The following CADM2 variants were observed in gnomAD, a reference collection of about 807,000 sequenced individuals.
The protein encoded by CADM2 is cell adhesion molecule 2.
Under a neutral mutation model 49.8 loss-of-function variants are expected in CADM2, and 12 were observed. The ratio of observed to expected loss-of-function variants is 0.24; its 90% confidence interval spans 0.15 to 0.39. The LOEUF is 0.39. CADM2 is among the 10% of genes least tolerant of loss of function. CADM2 has a pLI of 1.00. For synonymous variants in CADM2, 214 were observed against 175.4 expected (o/e 1.22, Z -1.74); for missense variants, 378 against 492.3 (o/e 0.77, Z 2.20).
intron 8 of CADM2, among the ~76,000 whole-genome samples, chr3:86,050,493 G>A (rs1267490351): frequency 6.6e-6 from 1 of 152,300 alleles, no homozygotes. Flanking sequence ...TGCCCCAGTG[G>A]GGACTCTGTG....
intron 3 of CADM2, among the ~76,000 whole-genome samples, chr3:85,814,503 C>T (rs2073084729): frequency 6.6e-6 from 1 of 151,694 alleles, no homozygotes; most frequent in Non-Finnish European, 1.5e-5. Context: ...TAGCAGAAGA[C>T]AAAAAAGAAC....
rs1424573453 is a variant in CADM2, at chr3:85,568,463, C to CTTTCATTCTTTCTT, written c.62-158058_62-158057insTTCATTCTTTCTTT. Among the ~76,000 whole-genome samples the CTTTCATTCTTTCTT allele has an allele frequency of 4.5e-4, 6 of 13,192 alleles. 1 individual carries two copies. In the East Asian group the frequency reaches 0.018, roughly 40 times the overall value. The allele number at this position is 13,192 out of a possible 152,430, so 8.7% of individuals were successfully genotyped here. On this transcript the variant is annotated intron_variant, in intron 1 of 9. Coordinates refer to ENST00000383699, the MANE Select transcript of CADM2 (RefSeq NM_001167675.2). ...TCTTTCTTTCTTTCTTTCTTTCTTT[C>CTTTCATTCTTTCTT]TCTTTCTCTCTCTTTCTTTCTTTCT...
At chr3:85,111,385 T>G (rs2107569964) in intron 1 of CADM2, among the ~76,000 whole-genome samples, 1 of 151,966 alleles carries the variant, frequency 6.6e-6, no homozygotes, top group Admixed American at 6.6e-5. Flanking sequence ...ATACCCCAGG[T>G]TTTGTAATCT....
chr3:85,274,389 A>G (rs1320419163), intron 1 of CADM2, among the ~76,000 whole-genome samples: 4 of 151,540 alleles, frequency 2.6e-5, no homozygotes, highest in African/African-American at 9.7e-5. Context: ...GAGAATTGCT[A>G]CAGTGATGTC....
chr3:86,061,788 A>G (rs1344735596), intron 8 of CADM2, among the ~76,000 whole-genome samples: 1 of 152,212 alleles, frequency 6.6e-6, no homozygotes, highest in Admixed American at 6.5e-5. Flanking sequence ...GGCAAATTGC[A>G]TAGACAGGCA....
intron 1 of CADM2, among the ~76,000 whole-genome samples, chr3:85,535,066 G>A (rs768572762): frequency 7.8e-5 from 10 of 128,408 alleles, no homozygotes; most frequent in Admixed American, 2.6e-4. Flanking sequence ...TGCAGTTCAC[G>A]ATGTTACTCA....
chr3:85,407,873 A>G (rs1413035988), intron 1 of CADM2, among the ~76,000 whole-genome samples: 10 of 151,812 alleles, frequency 6.6e-5, no homozygotes, highest in Admixed American at 6.6e-4. Context: ...GCCTGGCATG[A>G]TGGTGTGTGC....
intron 1 of CADM2, among the ~76,000 whole-genome samples, chr3:85,363,585 T>C (rs2032515557): frequency 6.6e-6 from 1 of 152,166 alleles, no homozygotes; most frequent in African/African-American, 2.4e-5. Context: ...AAGACTGTGG[T>C]ATTTTGATTT....
At chr3:85,929,920 A>G (rs1470776508) in intron 6 of CADM2, among the ~76,000 whole-genome samples, 1 of 152,040 alleles carries the variant, frequency 6.6e-6, no homozygotes, top group Non-Finnish European at 1.5e-5. Context: ...TAATAATGAC[A>G]TAGATCTTTA....
At chr3:85,657,130 A>G (rs904290740) in intron 1 of CADM2, among the ~76,000 whole-genome samples, 24 of 152,148 alleles carry the variant, frequency 1.6e-4, no homozygotes, top group African/African-American at 5.8e-4. Flanking sequence ...TTAGCTAGCT[A>G]TATTTCTCTC....
At chr3:85,568,705 C>CA (rs781355576) in intron 1 of CADM2, among the ~76,000 whole-genome samples, 7 of 149,306 alleles carry the variant, frequency 4.7e-5, no homozygotes, top group Non-Finnish European at 5.9e-5. Flanking sequence ...TGGGAGCAGG[C>CA]AATTCTCCTG....
intron 1 of CADM2, among the ~76,000 whole-genome samples, chr3:85,467,929 C>A (rs1287962142): frequency 6.6e-6 from 1 of 151,822 alleles, no homozygotes; most frequent in Non-Finnish European, 1.5e-5. Flanking sequence ...CCGAGGCGGG[C>A]GGATCACGAG....
intron 8 of CADM2, among the ~76,000 whole-genome samples, chr3:85,997,646 T>A (rs148787142): frequency 1.1e-4 from 17 of 152,214 alleles, no homozygotes; most frequent in African/African-American, 3.9e-4. Context: ...GGGATACTTG[T>A]GCAATTGTGT....
chr3:85,232,986 GA>G (rs1350029623), intron 1 of CADM2, among the ~76,000 whole-genome samples: 1 of 152,058 alleles, frequency 6.6e-6, no homozygotes, highest in African/African-American at 2.4e-5. Context: ...AAAATGGGAA[GA>G]AACAAATACC....
chr3:85,713,055 T>A (rs1287002915), intron 1 of CADM2, among the ~76,000 whole-genome samples: 1 of 152,202 alleles, frequency 6.6e-6, no homozygotes, highest in Non-Finnish European at 1.5e-5. Flanking sequence ...TTATTATGCC[T>A]TAAATAAACC....
intron 1 of CADM2, among the ~76,000 whole-genome samples, chr3:85,414,603 G>A (rs555829231): frequency 1.3e-5 from 2 of 151,922 alleles, no homozygotes; most frequent in African/African-American, 4.8e-5. Flanking sequence ...CAATCCCCCA[G>A]TTTCAGTTTT....
chr3:85,414,425 T>C (rs922311669), intron 1 of CADM2, among the ~76,000 whole-genome samples: 1 of 152,192 alleles, frequency 6.6e-6, no homozygotes, highest in Non-Finnish European at 1.5e-5. Context: ...ATAGCAAGTA[T>C]GTAGTTTTGA....
chr3:85,548,408 A>T (rs1463488505), intron 1 of CADM2, among the ~76,000 whole-genome samples: 5 of 151,876 alleles, frequency 3.3e-5, no homozygotes, highest in Non-Finnish European at 7.4e-5. Context: ...GCCTAAGGAT[A>T]AATGTGTGCC....
intron 1 of CADM2, among the ~76,000 whole-genome samples, chr3:85,101,743 G>C (rs938591996): frequency 4.1e-4 from 63 of 152,168 alleles, no homozygotes; most frequent in African/African-American, 1.4e-3. Flanking sequence ...TAGAGTTACT[G>C]AGTTTTCATA....
Sources: allele counts gnomAD v4.1 joint callset (sites outside exome capture counted in the v4.1 genomes callset), GRCh38; gene constraint gnomAD v4.1.1; transcripts MANE v1.5; gene names NCBI Gene and HGNC (gene_info 2026-07-23, HGNC 2026-07-21).